The following WWTR1 variants were observed in gnomAD, a reference collection of about 807,000 sequenced individuals.
WWTR1 encodes the protein WW domain containing transcription regulator 1, also known as WW domain-containing transcription regulator protein 1.
WWTR1 carries 13 observed loss-of-function variants against 40.1 expected under a neutral mutation model. The observed-to-expected ratio is 0.32, with a 90% CI of 0.21 to 0.52. The LOEUF (loss-of-function observed/expected upper bound fraction) is 0.52. Among genes scored for constraint, WWTR1 ranks in the 20% least tolerant of loss-of-function variants. WWTR1 has a pLI of 0.97. For missense variants in WWTR1, 436 were observed against 523.1 expected (o/e 0.83, Z 1.63); for synonymous variants, 230 against 210.1 (o/e 1.09, Z -0.82).
At chr3:149,524,737 C>G (rs1054466531) in intron 6 of WWTR1, among the ~76,000 whole-genome samples, 1 of 152,178 alleles carries the variant, frequency 6.6e-6, no homozygotes, top group African/African-American at 2.4e-5. Flanking sequence ...GAGTTTGACT[C>G]TTGATCTTTC....
chr3:149,639,582 T>G (rs1325820020), intron 2 of WWTR1, among the ~76,000 whole-genome samples: 1 of 152,160 alleles, frequency 6.6e-6, no homozygotes, highest in Non-Finnish European at 1.5e-5. Flanking sequence ...GACAGCTACA[T>G]TAGTATGTAG....
chr3:149,644,121 C>T (rs957677456), intron 2 of WWTR1, among the ~76,000 whole-genome samples: 1 of 152,166 alleles, frequency 6.6e-6, no homozygotes, highest in African/African-American at 2.4e-5. Flanking sequence ...CCCAGTACGG[C>T]TTGCTACAAT....
chr3:149,713,325 T>C (rs942905583), intron 5 of WWTR1, among the ~76,000 whole-genome samples: 5 of 152,136 alleles, frequency 3.3e-5, no homozygotes, highest in African/African-American at 1.2e-4. Flanking sequence ...ATGAATTCTC[T>C]TCCATAATAA....
chr3:149,531,437 C>A (rs1156526606), intron 4 of WWTR1, among the ~76,000 whole-genome samples: 2 of 152,082 alleles, frequency 1.3e-5, no homozygotes, highest in African/African-American at 4.8e-5. Flanking sequence ...AGAGGCAGGT[C>A]CTCACTGCAG....
rs531873134 is a variant in WWTR1, at chr3:149,527,759, G to A, written c.905+77C>T. On this transcript the variant is annotated intron_variant, in intron 5 of 6. Coordinates refer to ENST00000360632, the MANE Select transcript of WWTR1 (RefSeq NM_015472.6). ...CTCAAGCTCCCCACCTCTTCCCAATGTAAACAAAGATCCTATTATAGTCTA... is the reference window on the plus strand; with the variant it reads ...CTCAAGCTCCCCACCTCTTCCCAATATAAACAAAGATCCTATTATAGTCTA... 7.5e-6 allele frequency: 12 copies of A among 1,596,848 alleles called. No individual in the cohort carries two copies. The South Asian group carries it at 1.2e-4, about 16-fold the overall frequency.
chr3:149,668,582 A>G (rs1238335976), intron 2 of WWTR1, among the ~76,000 whole-genome samples: 4 of 149,382 alleles, frequency 2.7e-5, no homozygotes, highest in African/African-American at 9.8e-5. Flanking sequence ...CACTCCAGGC[A>G]GGGCAACAGA....
chr3:149,591,136 C>T (rs1271819135), intron 2 of WWTR1, among the ~76,000 whole-genome samples: 1 of 151,938 alleles, frequency 6.6e-6, no homozygotes, highest in Non-Finnish European at 1.5e-5. Context: ...AATACAAATA[C>T]TACTTAAAAA....
chr3:149,530,550 C>T (rs1398738687), intron 4 of WWTR1, among the ~76,000 whole-genome samples: 1 of 151,400 alleles, frequency 6.6e-6, no homozygotes, highest in African/African-American at 2.4e-5. Flanking sequence ...CTAAACTTTC[C>T]TATTAATTTA....
At chr3:149,706,064 G>A (rs368653337), upstream of WWTR1, among the ~76,000 whole-genome samples, 2 of 152,220 alleles carry the variant, frequency 1.3e-5, no homozygotes, top group East Asian at 3.9e-4. Flanking sequence ...GGTGGCATGT[G>A]CCTGTAGTCC....
At chr3:149,551,377 A>G (rs114595766) in intron 3 of WWTR1, among the ~76,000 whole-genome samples, 2,479 of 145,240 alleles carry the variant, frequency 0.017, 395 homozygotes, top group African/African-American at 0.046. Context: ...ATAGGTAAAT[A>G]TGCAACATTC....
intron 2 of WWTR1, among the ~76,000 whole-genome samples, chr3:149,622,502 G>GAAGGAAGGAAGGAAGAAAGA: frequency 1.1e-3 from 49 of 46,294 alleles, no homozygotes; most frequent in Non-Finnish European, 1.2e-3. Flanking sequence ...AGGAAGGAAG[G>GAAGGAAGGAAGGAAGAAAGA]AAGAAAGAAA....
At chr3:149,524,633 T>C (rs1384382159) in intron 6 of WWTR1, among the ~76,000 whole-genome samples, 1 of 152,154 alleles carries the variant, frequency 6.6e-6, no homozygotes, top group East Asian at 1.9e-4. Flanking sequence ...CACAAGATAG[T>C]CTTTGCAATC....
intron 2 of WWTR1, among the ~76,000 whole-genome samples, chr3:149,652,033 C>T (rs149538397): frequency 0.01 from 1,242 of 119,624 alleles, 14 homozygotes; most frequent in East Asian, 0.043. Context: ...TTAGTAGAGA[C>T]GGGGTTTCAC....
chr3:149,624,049 A>T (rs1050965784), intron 2 of WWTR1, among the ~76,000 whole-genome samples: 2 of 152,164 alleles, frequency 1.3e-5, no homozygotes, highest in Admixed American at 6.5e-5. Context: ...GTCCGGCCAC[A>T]TCCCTCCCCA....
At chr3:149,711,371 A>G (rs987876948) in intron 5 of WWTR1, among the ~76,000 whole-genome samples, 2 of 152,240 alleles carry the variant, frequency 1.3e-5, no homozygotes, top group African/African-American at 4.8e-5. Context: ...AGTCAAAAGT[A>G]TATGAAATCA....
chr3:149,649,860 T>G (rs959578172), intron 2 of WWTR1: 1 of 142,486 alleles, frequency 7.0e-6, no homozygotes, highest in Non-Finnish European at 1.5e-5. Flanking sequence ...GAGGCTGCCG[T>G]GAGCTGAGAT....
At chr3:149,609,692 C>T (rs1010470317) in intron 2 of WWTR1, among the ~76,000 whole-genome samples, 3 of 152,146 alleles carry the variant, frequency 2.0e-5, no homozygotes, top group African/African-American at 4.8e-5. Context: ...AAATGTTTCT[C>T]GACCTTTGCA....
At chr3:149,693,271 C>T (rs761833806) in intron 1 of WWTR1, among the ~76,000 whole-genome samples, 2 of 151,904 alleles carry the variant, frequency 1.3e-5, no homozygotes, top group African/African-American at 2.4e-5. Flanking sequence ...ATAAGCTTAA[C>T]GAAAGAAGTG....
intron 4 of WWTR1, 71 bp from the exon 5 acceptor site, chr3:149,528,040 T>A: frequency 6.5e-7 from 1 of 1,534,564 alleles, no homozygotes; most frequent in African/African-American, 1.4e-5. Flanking sequence ...GTACTTCACA[T>A]CAAAACTTTT....
Sources: allele counts gnomAD v4.1 joint callset (sites outside exome capture counted in the v4.1 genomes callset), GRCh38; gene constraint gnomAD v4.1.1; transcripts MANE v1.5; gene names NCBI Gene and HGNC (gene_info 2026-07-23, HGNC 2026-07-21).